The following LRP1B variants were observed in gnomAD, a reference collection of about 807,000 sequenced individuals.
The protein encoded by LRP1B is LDL receptor related protein 1B, also known as low-density lipoprotein receptor-related protein 1B.
A neutral mutation model predicts 556.6 loss-of-function variants in LRP1B; 217 were observed. That is an observed-to-expected ratio of 0.39 (90% CI 0.35 to 0.44). The LOEUF (loss-of-function observed/expected upper bound fraction) is 0.44, where lower values mean the gene tolerates loss of function less well. Among genes scored for constraint, LRP1B ranks in the 20% least tolerant of loss-of-function variants. The probability of loss-of-function intolerance (pLI) is 1.00; values close to 1 mark genes in which losing one functional copy is unlikely to be tolerated. For synonymous variants in LRP1B, 2,047 were observed against 1,865.8 expected, an observed-to-expected ratio of 1.10 and a Z score of -2.50; for missense variants, 5,053 against 5,620.8, an observed-to-expected ratio of 0.90 and a Z score of 3.23.
At chr2:142,095,295 T>C (rs1249108041) in intron 1 of LRP1B, among the ~76,000 whole-genome samples, 1 of 151,722 alleles carries the variant, frequency 6.6e-6, no homozygotes, top group Non-Finnish European at 1.5e-5. Context: ...ACCTTCTAGT[T>C]TTTAAAAAGT....
Position 140,534,093 on chromosome 2 carries a change from A to C in LRP1B, c.7690T>G (p.Cys2564Gly), listed in dbSNP as rs768821890. The C allele has an allele frequency of 6.2e-7, 1 of 1,613,376 alleles. No homozygotes were observed. The highest frequency in any genetic ancestry group is 2.2e-5 in the East Asian group (1 of 44,856). Residue 2564 changes from cysteine to glycine, a missense_variant, in exon 47 of 91, where the codon TGC (cysteine) becomes GGC (glycine). Cys to Gly is a radical substitution (Grantham distance 159, BLOSUM62 -3). Coordinates refer to ENST00000389484, the MANE Select transcript of LRP1B (RefSeq NM_018557.3). Reference protein sequence around the residue: ...RGFKPCYNRRCIPHGKLCDGE... With the variant: ...RGFKPCYNRRGIPHGKLCDGE... ...TCACATAACTTGCCATGAGGAATGC[A>C]GCGGCGATTATAGCATGGCTTGAAG...
chr2:141,871,463 A>G (rs1698584370), intron 1 of LRP1B, among the ~76,000 whole-genome samples: 1 of 151,988 alleles, frequency 6.6e-6, no homozygotes, highest in African/African-American at 2.4e-5. Flanking sequence ...AATAGTAATT[A>G]TTGTGGGGAT....
At chr2:142,082,267 C>T (rs912043890) in intron 1 of LRP1B, among the ~76,000 whole-genome samples, 1 of 152,118 alleles carries the variant, frequency 6.6e-6, no homozygotes, top group Non-Finnish European at 1.5e-5. Context: ...CATTTTCTCA[C>T]ATTTGGACTC....
intron 1 of LRP1B, among the ~76,000 whole-genome samples, chr2:142,089,585 A>G (rs2104946894): frequency 6.6e-6 from 1 of 152,344 alleles, no homozygotes; most frequent in Non-Finnish European, 1.5e-5. Flanking sequence ...GCATCCTGTC[A>G]AAGACGCATC....
intron 71 of LRP1B, among the ~76,000 whole-genome samples, chr2:140,364,984 A>G (rs1682690909): frequency 2.0e-5 from 3 of 151,502 alleles, no homozygotes; most frequent in African/African-American, 7.3e-5. Flanking sequence ...ACATTTCAAA[A>G]CATTCTAATA....
At chr2:141,307,104 A>G (rs1686620626) in intron 3 of LRP1B, among the ~76,000 whole-genome samples, 1 of 151,988 alleles carries the variant, frequency 6.6e-6, no homozygotes, top group African/African-American at 2.4e-5. Context: ...TGTTCTATAA[A>G]TATCTGCTAG....
Position 140,324,077 on chromosome 2 carries a change from A to T in LRP1B, c.12341-11T>A, listed in dbSNP as rs2105059723. On this transcript the variant is annotated splice_polypyrimidine_tract_variant and intron_variant, in intron 80 of 90. Transcript: ENST00000389484. Reference sequence around the variant, plus strand: ...GTGGATGTAATAAACCTGGAATTTTAAAAAGGCAGTTATGAAAGTTTTAAT... The same window carrying T: ...GTGGATGTAATAAACCTGGAATTTTTAAAAGGCAGTTATGAAAGTTTTAAT... 1 of 1,580,102 alleles carries T rather than the reference A, an allele frequency of 6.3e-7. No individual in the cohort carries two copies. Among genetic ancestry groups the T allele is most frequent in the Non-Finnish European group, 8.7e-7 (1 of 1,153,314 alleles).
intron 1 of LRP1B, among the ~76,000 whole-genome samples, chr2:142,059,293 T>A (rs12105584): frequency 6.6e-6 from 1 of 151,872 alleles, no homozygotes; most frequent in South Asian, 2.1e-4. Flanking sequence ...AATTTTTTGG[T>A]ATGGAAATTA....
chr2:140,414,634 C>T (rs1260859996), intron 66 of LRP1B, among the ~76,000 whole-genome samples: 1 of 152,058 alleles, frequency 6.6e-6, no homozygotes, highest in African/African-American at 2.4e-5. Context: ...TTATCAGTTC[C>T]CAAATAATAG....
intron 3 of LRP1B, among the ~76,000 whole-genome samples, chr2:141,260,115 G>C (rs563755256): frequency 3.3e-5 from 5 of 151,800 alleles, no homozygotes; most frequent in Admixed American, 6.6e-5. Context: ...TTTTTCATTT[G>C]TTTGTTTGGT....
intron 2 of LRP1B, among the ~76,000 whole-genome samples, chr2:141,746,335 C>T (rs1221052081): frequency 2.0e-5 from 3 of 152,088 alleles, no homozygotes; most frequent in Non-Finnish European, 2.9e-5. Context: ...CTGGGATGGG[C>T]GATTCCTCTC....
chr2:141,395,400 G>A (rs1690204734), intron 3 of LRP1B, among the ~76,000 whole-genome samples: 1 of 151,936 alleles, frequency 6.6e-6, no homozygotes, highest in African/African-American at 2.4e-5. Context: ...ACAGCATTTG[G>A]TAAAGTAATA....
chr2:141,234,986 TAACTA>T (rs139125985), intron 5 of LRP1B, among the ~76,000 whole-genome samples: 3,012 of 152,222 alleles, frequency 0.02, 41 homozygotes, highest in Middle Eastern at 0.031. Context: ...TTTCATTCCT[TAACTA>T]TTTTTTAACA....
intron 7 of LRP1B, among the ~76,000 whole-genome samples, chr2:141,146,427 A>C (rs1701786509): frequency 6.6e-6 from 1 of 152,228 alleles, no homozygotes; most frequent in African/African-American, 2.4e-5. Context: ...AGTTTTTAAT[A>C]CAAACCTATA....
Position 141,900,613 on chromosome 2 carries a change from A to C in LRP1B, c.83-90212T>G, listed in dbSNP as rs1000837689. On this transcript the variant is annotated intron_variant, in intron 1 of 90. Coordinates refer to ENST00000389484, the MANE Select transcript of LRP1B (RefSeq NM_018557.3). ...ACTCATTGCCATGCCTGTGAGGTTC[A>C]GAAATGATCATTTCTATTCTTTTAA... Among the ~76,000 whole-genome samples, 10 of 152,204 alleles carry C rather than the reference A, an allele frequency of 6.6e-5. 1 individual carries two copies. Among genetic ancestry groups the C allele is most frequent in the Admixed American group, 4.6e-4 (7 of 15,242 alleles).
intron 3 of LRP1B, among the ~76,000 whole-genome samples, chr2:141,278,128 A>G (rs1001994413): frequency 6.6e-6 from 1 of 152,138 alleles, no homozygotes; most frequent in African/African-American, 2.4e-5. Flanking sequence ...CCTTTCTTAG[A>G]CTCATTATAT....
chr2:141,316,754 T>C (rs193299861), intron 3 of LRP1B, among the ~76,000 whole-genome samples: 1 of 152,316 alleles, frequency 6.6e-6, no homozygotes, highest in Non-Finnish European at 1.5e-5. Flanking sequence ...AAGTTGACCA[T>C]CTTTTGATGT....
intron 29 of LRP1B, among the ~76,000 whole-genome samples, chr2:140,848,994 T>G (rs958653896): frequency 6.6e-6 from 1 of 151,964 alleles, no homozygotes; most frequent in Admixed American, 6.6e-5. Flanking sequence ...ATAGGAACAG[T>G]TTTCCTGTTT....
At chr2:140,649,917 T>TA (rs1186294654) in intron 41 of LRP1B, among the ~76,000 whole-genome samples, 1 of 152,200 alleles carries the variant, frequency 6.6e-6, no homozygotes, top group East Asian at 1.9e-4. Flanking sequence ...ATTTTTGTGG[T>TA]AAAAATATAA....
Sources: gnomAD v4.1 joint callset for allele counts (sites outside exome capture counted in the v4.1 genomes callset) on GRCh38, gnomAD v4.1.1 for gene constraint, MANE v1.5 for transcripts, NCBI Gene and HGNC (gene_info 2026-07-23, HGNC 2026-07-21) for gene names.